PAQR6: variants seen among roughly 807,000 people sequenced by gnomAD.
The protein encoded by PAQR6 is membrane progestin receptor delta.
PAQR6 carries 34 observed loss-of-function variants against 36.2 expected under a neutral mutation model. The observed-to-expected ratio is 0.94, with a 90% CI of 0.71 to 1.25. PAQR6 has a LOEUF of 1.25. Among genes scored for constraint, PAQR6 ranks in the 50% most tolerant of loss-of-function variants. PAQR6 has a pLI of 0.00. For missense variants in PAQR6, 431 were observed against 445.7 expected, an observed-to-expected ratio of 0.97 and a Z score of 0.30; for synonymous variants, 190 against 190.7, an observed-to-expected ratio of 1.00 and a Z score of 0.03.
chr1:156,243,749 G>C lies in PAQR6; in HGVS notation c.*380C>G. 1 of 1,330,356 alleles carries C rather than the reference G, an allele frequency of 7.5e-7. No individual in the cohort carries two copies. The highest frequency in any genetic ancestry group is 1.0e-6 in the Non-Finnish European group (1 of 979,518). The allele number at this position is 1,330,356 out of a possible 1,614,324, so 82.4% of individuals were successfully genotyped here. A position where few individuals can be genotyped will look rare whatever the true frequency, so the allele number is the denominator to read the frequency against. ...TTCAGGGTAGGCCTAGGTTAGTCGT[G>C]TTAGTTCTTCCCTGTGCTGAGCAGA... On this transcript the variant is annotated 3_prime_UTR_variant, in exon 8 of 8. Coordinates refer to ENST00000292291, the MANE Select transcript of PAQR6 (RefSeq NM_198406.3).
rs1386102984 is a variant in PAQR6 at position 156,245,679 on chromosome 1, C to A, written c.386-18G>T. The A allele has an allele frequency of 2.5e-6, 4 of 1,609,662 alleles. No individual in the cohort carries two copies. Among genetic ancestry groups the A allele is most frequent in the Non-Finnish European group, 8.5e-7 (1 of 1,178,358 alleles). ...GGCGCAGCCTGCGGTGAGGTGGGGG[C>A]GTGCAGCTGAGGCCTGAGGGGCGCG... On this transcript the variant is annotated intron_variant, in intron 4 of 7. Coordinates refer to ENST00000292291, the MANE Select transcript of PAQR6 (RefSeq NM_198406.3).
rs760899248 is a variant in PAQR6 at position 156,245,541 on chromosome 1, T to G, written c.506A>C (p.Tyr169Ser). ...GAGGGGCCTGGGAACCCACCGGGAG[T>G]AGCAGGAGAGGCCGGTGCACAGGAA... ...NSFLCTGLSC[Y>S]SRFLELESPG... is the part of the protein sequence containing the mutation. The change falls in exon 5 of 8, where the codon TAC becomes TCC. Residue 169 changes from tyrosine (Y) to serine (S), a missense_variant. By Grantham distance (144) the Tyr-to-Ser change is moderately radical (BLOSUM62 -2). Transcript: ENST00000292291. 1.2e-6 allele frequency: 2 copies of G among 1,611,258 alleles called. No individual in the cohort carries two copies. Among genetic ancestry groups the G allele is most frequent in the Non-Finnish European group, 1.7e-6 (2 of 1,179,786 alleles).
In PAQR6 at chr1:156,245,571, T is replaced by A. The variant is rs776945886; in HGVS notation, c.476A>T (p.Asn159Ile). 2 of 1,610,128 alleles carry A rather than the reference T, an allele frequency of 1.2e-6. No homozygotes were observed. The highest frequency in any genetic ancestry group is 4.5e-5 in the East Asian group (2 of 44,748). Residue 159 changes from asparagine (N) to isoleucine (I), a missense_variant, in exon 5 of 8, where the codon AAC (asparagine) becomes ATC (isoleucine). Coordinates refer to ENST00000292291, the MANE Select transcript of PAQR6 (RefSeq NM_198406.3). The part of the protein sequence containing the change: ...HQFFVPAAAL[N>I]SFLCTGLSCY... Reference sequence around the variant, plus strand: ...GGAGAGGCCGGTGCACAGGAAGGAGTTGAGTGCGGCGGCAGGCACAAAGAA... The same window carrying A: ...GGAGAGGCCGGTGCACAGGAAGGAGATGAGTGCGGCGGCAGGCACAAAGAA...
chr1:156,246,863 C>T, intron 1 of PAQR6, 107 bp from the exon 2 acceptor site: 2 of 919,134 alleles, frequency 2.2e-6, no homozygotes, highest in Non-Finnish European at 3.3e-6. Context: ...AGGCAGATGG[C>T]ACCCTCCCTC....
Position 156,244,113 on chromosome 1 carries a change from G to C in PAQR6, c.*16C>G. ...CTGGCCTCTGCCCCCTCCAGGACAG[G>C]GTCAGGGATGGGGCCTCACTGTTGT... On this transcript the variant is annotated 3_prime_UTR_variant, in exon 8 of 8. Transcript: ENST00000292291. 6.2e-7 allele frequency: 1 copy of C among 1,606,416 alleles called. No homozygotes were observed. Among genetic ancestry groups the C allele is most frequent in the Non-Finnish European group, 8.5e-7 (1 of 1,174,350 alleles).
rs774724915 is a variant in PAQR6, at chr1:156,245,130, A to C, written c.609+12T>G. 1 of 1,611,772 alleles carries C rather than the reference A, an allele frequency of 6.2e-7. No individual in the cohort carries two copies. The highest frequency in any genetic ancestry group is 2.2e-5 in the East Asian group (1 of 44,872). On this transcript the variant is annotated intron_variant, in intron 6 of 7. Transcript: ENST00000292291. ...AAGCAGGAGTCTGGGCAGGGGCCCT[A>C]GGCCTCCTTACCCGATAAAAGAGTG...
In PAQR6 at chr1:156,245,050, G is replaced by T; in HGVS notation, c.609+92C>A. On this transcript the variant is annotated intron_variant, in intron 6 of 7. Transcript: ENST00000292291. ...ACCCCAAGAGAGGCGGCTGGGCTGAGGCAGGGACTGAGGGGGCAGGGCTGG... is the reference window on the plus strand; with the variant it reads ...ACCCCAAGAGAGGCGGCTGGGCTGATGCAGGGACTGAGGGGGCAGGGCTGG... 1.9e-6 allele frequency: 3 copies of T among 1,601,920 alleles called. 1 individual carries two copies. In the East Asian group the frequency reaches 6.7e-5, roughly 36 times the overall value.
intron 2 of PAQR6, 107 bp from the exon 3 acceptor site, chr1:156,246,357 G>GC: frequency 9.5e-7 from 1 of 1,052,338 alleles, no homozygotes; most frequent in Non-Finnish European, 1.4e-6. Flanking sequence ...GATCAACGTG[G>GC]CCCCCAAGCC....
At position 156,244,023 on chromosome 1, in the gene PAQR6, T is replaced by A. The variant is rs1389758253; in HGVS notation, c.*106A>T. ...GCCCTCTCTCCTCAGCCCCTGTTGGTTCCAGGCTGAGATGCGTCCCCACCT... is the reference window on the plus strand; with the variant it reads ...GCCCTCTCTCCTCAGCCCCTGTTGGATCCAGGCTGAGATGCGTCCCCACCT... On this transcript the variant is annotated 3_prime_UTR_variant, in exon 8 of 8. Transcript: ENST00000292291. The A allele has an allele frequency of 6.2e-7, 1 of 1,613,998 alleles. No homozygotes were observed. The highest frequency in any genetic ancestry group is 8.5e-7 in the Non-Finnish European group (1 of 1,179,990).
rs767397159 is a variant in PAQR6 at position 156,245,788 on chromosome 1, T to C, written c.379A>G (p.Ser127Gly). The C allele has an allele frequency of 1.5e-5, 24 of 1,596,642 alleles. No individual in the cohort carries two copies. The East Asian group carries it at 5.0e-4, about 33-fold the overall frequency. The change falls in exon 4 of 8, where the codon AGT (serine) becomes GGT (glycine). Residue 127 changes from serine (S) to glycine (G), a missense_variant. By Grantham distance (56) the Ser-to-Gly change is moderately conservative (BLOSUM62 0). Transcript: ENST00000292291. ...FLDYGALSLY[S>G]LGCAFPYAAY... is the part of the protein sequence containing the mutation. ...CCGCGCCTGTCCGGCTCACCCAGACTGTAGAGGCTGAGCGCGCCGTAGTCG... is the reference window on the plus strand; with the variant it reads ...CCGCGCCTGTCCGGCTCACCCAGACCGTAGAGGCTGAGCGCGCCGTAGTCG...
chr1:156,246,629 G>A (rs1660546273), intron 2 of PAQR6, 52 bp downstream of exon 2: 12 of 1,590,940 alleles, frequency 7.5e-6, no homozygotes, highest in Non-Finnish European at 9.4e-6. Flanking sequence ...TCAGCCCCTA[G>A]TCAGTCCTCT....
rs939409433 is a variant in PAQR6, at chr1:156,244,664, A to G, written c.760+97T>C. 5.0e-6 allele frequency: 8 copies of G among 1,593,214 alleles called. No individual in the cohort carries two copies. The African/African-American group carries it at 9.4e-5, about 19-fold the overall frequency. ...GAAGTCCCTCCTATAATTTGCCTCC[A>G]TCCTGGGGCTGTAATACCCATTTAC... On this transcript the variant is annotated intron_variant, in intron 7 of 7. Coordinates refer to ENST00000292291, the MANE Select transcript of PAQR6 (RefSeq NM_198406.3).
At position 156,243,780 on chromosome 1, in the gene PAQR6, C is replaced by T; in HGVS notation, c.*349G>A. 1 of 1,477,776 alleles carries T rather than the reference C, an allele frequency of 6.8e-7. No individual in the cohort carries two copies. The highest frequency in any genetic ancestry group is 9.1e-7 in the Non-Finnish European group (1 of 1,102,432). 91.5% of individuals were successfully genotyped at this position (1,477,776 alleles called of 1,614,324 possible). On this transcript the variant is annotated 3_prime_UTR_variant, in exon 8 of 8. Transcript: ENST00000292291. The stretch of plus-strand genomic sequence containing the variant: ...TCTTCCCTGTGCTGAGCAGAGACTT[C>T]CAGAAGCACCAGAAACGGAGCCAGA...
intron 1 of PAQR6, chr1:156,247,744 T>G: frequency 4.6e-6 from 1 of 216,452 alleles, no homozygotes; most frequent in South Asian, 6.2e-5. Context: ...GTCGGGGGTC[T>G]CCCCTACCCT....
At chr1:156,244,977 A>G in intron 6 of PAQR6, 66 bp from the exon 7 acceptor site, 1 of 1,596,784 alleles carries the variant, frequency 6.3e-7, no homozygotes, top group South Asian at 1.1e-5. Context: ...TGTGTCTGGG[A>G]TCTGGTGAGG....
Position 156,243,391 on chromosome 1 carries a change from T to C in PAQR6, c.*738A>G. On this transcript the variant is annotated 3_prime_UTR_variant, in exon 8 of 8. Coordinates refer to ENST00000292291, the MANE Select transcript of PAQR6 (RefSeq NM_198406.3). ...GTCAGGAGGATGGGGGTGAGGAGGT[T>C]TTACCTTCTTCAGTTCTAGAAAGTG... is the stretch of plus-strand genomic sequence containing the variant. 1 of 656,306 alleles carries C rather than the reference T, an allele frequency of 1.5e-6. No homozygotes were observed. The highest frequency in any genetic ancestry group is 2.5e-6 in the Non-Finnish European group (1 of 404,056). The allele number at this position is 656,306 out of a possible 1,614,324, so 40.7% of individuals were successfully genotyped here. A position where few individuals can be genotyped will look rare whatever the true frequency, so the allele number is the denominator to read the frequency against.
chr1:156,246,291 G>T, intron 2 of PAQR6, 41 bp from the exon 3 acceptor site: 3 of 1,540,384 alleles, frequency 1.9e-6, no homozygotes, highest in South Asian at 2.3e-5. Context: ...ACTGTGCCCG[G>T]ACCCTTTCCC....
At position 156,245,819 on chromosome 1, in the gene PAQR6, G is replaced by A. The variant is rs751854901; in HGVS notation, c.348C>T (p.Tyr116=). The A allele has an allele frequency of 1.1e-5, 17 of 1,606,086 alleles. No homozygotes were observed. Among genetic ancestry groups the A allele is most frequent in the South Asian group, 1.1e-5 (1 of 89,830 alleles). Residue 116 remains tyrosine (Y), a synonymous_variant, in exon 4 of 8, where the codon TAC becomes TAT. Coordinates refer to ENST00000292291, the MANE Select transcript of PAQR6 (RefSeq NM_198406.3). ...SMSPRMRHIC[Y]FLDYGALSLY... is the part of the protein sequence containing the mutation. The stretch of plus-strand genomic sequence containing the variant: ...GGCTGAGCGCGCCGTAGTCGAGGAA[G>A]TAGCAGATGTGGCGCATGCGGGGCG...
rs1037481314 is a variant in PAQR6, at chr1:156,243,389, G to A, written c.*740C>T. ...GTGTCAGGAGGATGGGGGTGAGGAGGTTTTACCTTCTTCAGTTCTAGAAAG... is the reference window on the plus strand; with the variant it reads ...GTGTCAGGAGGATGGGGGTGAGGAGATTTTACCTTCTTCAGTTCTAGAAAG... On this transcript the variant is annotated 3_prime_UTR_variant, in exon 8 of 8. Transcript: ENST00000292291. 5 of 664,854 alleles carry A rather than the reference G, an allele frequency of 7.5e-6. No homozygotes were observed. Among genetic ancestry groups the A allele is most frequent in the Admixed American group, 3.0e-5 (1 of 33,116 alleles). The allele number at this position is 664,854 out of a possible 1,614,324, so 41.2% of individuals were successfully genotyped here.
Sources: allele counts gnomAD v4.1 joint callset, GRCh38; gene constraint gnomAD v4.1.1; transcripts MANE v1.5; gene names NCBI Gene and HGNC (gene_info 2026-07-23, HGNC 2026-07-21).